Variants in SBF2 observed in about 807,000 individuals in gnomAD.
The protein encoded by SBF2 is SET binding factor 2.
A neutral mutation model predicts 225.2 loss-of-function variants in SBF2; 112 were observed. The observed-to-expected ratio is 0.50, with a 90% CI of 0.43 to 0.58. The LOEUF is 0.58. SBF2 is among the 20% of genes least tolerant of loss of function. SBF2 has a pLI of 0.00. For synonymous variants in SBF2, 763 were observed against 773.3 expected (o/e 0.99, Z 0.22); for missense variants, 1,996 against 2,206.2 (o/e 0.90, Z 1.91).
At chr11:9,816,724 C>T in intron 29 of SBF2, 116 bp downstream of exon 29, 1 of 869,656 alleles carries the variant, frequency 1.1e-6, no homozygotes, top group Admixed American at 2.9e-5. Context: ...ATTATTAACT[C>T]CAGGTTAAGA....
intron 1 of SBF2, among the ~76,000 whole-genome samples, chr11:10,270,790 G>T (rs1434800916): frequency 6.6e-6 from 1 of 151,968 alleles, no homozygotes; most frequent in Non-Finnish European, 1.5e-5. Context: ...TCAGGAGATT[G>T]AGACCATTGT....
At chr11:10,159,841 G>T (rs1454456749) in intron 2 of SBF2, among the ~76,000 whole-genome samples, 1 of 151,730 alleles carries the variant, frequency 6.6e-6, no homozygotes, top group Non-Finnish European at 1.5e-5. Context: ...AGTGAGCTGA[G>T]ATCACGCCAC....
chr11:9,865,759 A>G (rs1046961045), intron 17 of SBF2, among the ~76,000 whole-genome samples: 1 of 150,546 alleles, frequency 6.6e-6, no homozygotes, highest in Non-Finnish European at 1.5e-5. Flanking sequence ...AAAAGAAGTA[A>G]TTTGCTCAAG....
intron 13 of SBF2, among the ~76,000 whole-genome samples, chr11:9,987,027 A>C (rs1206899967): frequency 6.6e-6 from 1 of 152,218 alleles, no homozygotes; most frequent in South Asian, 2.1e-4. Context: ...AAAATCCTTA[A>C]CAAAATACTA....
intron 1 of SBF2, among the ~76,000 whole-genome samples, chr11:10,205,269 A>T (rs1456009656): frequency 6.6e-6 from 1 of 152,080 alleles, no homozygotes; most frequent in African/African-American, 2.4e-5. Flanking sequence ...ACATTTTAAA[A>T]GGATGAACTT....
intron 26 of SBF2, 55 bp downstream of exon 26, chr11:9,839,443 T>C (rs774960947): frequency 6.4e-7 from 1 of 1,551,328 alleles, no homozygotes; most frequent in African/African-American, 1.4e-5. Flanking sequence ...TATTAAAGAT[T>C]CAAATAAGAA....
At chr11:10,230,496 G>C (rs1453418805) in intron 1 of SBF2, among the ~76,000 whole-genome samples, 1 of 152,120 alleles carries the variant, frequency 6.6e-6, no homozygotes, top group Non-Finnish European at 1.5e-5. Context: ...GCTCTTTTAG[G>C]GCAGGCCTGG....
At chr11:9,884,722 G>A (rs557369084) in intron 17 of SBF2, among the ~76,000 whole-genome samples, 1 of 152,092 alleles carries the variant, frequency 6.6e-6, no homozygotes, top group African/African-American at 2.4e-5. Context: ...AAGTCTTATG[G>A]GAGGCACTGT....
chr11:10,230,176 C>T (rs918009794), intron 1 of SBF2, among the ~76,000 whole-genome samples: 1 of 152,074 alleles, frequency 6.6e-6, no homozygotes, highest in African/African-American at 2.4e-5. Context: ...GTAGATCTTC[C>T]ATCCCTTTAT....
chr11:9,932,312 C>A (rs528189651), intron 16 of SBF2, among the ~76,000 whole-genome samples: 112 of 152,098 alleles, frequency 7.4e-4, no homozygotes, highest in African/African-American at 2.5e-3. Flanking sequence ...GAAGAGCAAC[C>A]CCAAGACACA....
Position 10,245,354 on chromosome 11 carries a change from T to C in SBF2, c.55+48661A>G, listed in dbSNP as rs561108178. 4.6e-5 allele frequency among the ~76,000 whole-genome samples: 7 copies of C among 151,838 alleles called. No homozygotes were observed. The East Asian group carries it at 1.2e-3, about 25-fold the overall frequency. On this transcript the variant is annotated intron_variant, in intron 1 of 39. Coordinates refer to ENST00000256190, the MANE Select transcript of SBF2 (RefSeq NM_030962.4). The stretch of plus-strand genomic sequence containing the variant: ...TGATTCCAGGAGTTCCAGACTATAG[T>C]GCACAATGACCTTGCCATTGAATAG...
intron 1 of SBF2, among the ~76,000 whole-genome samples, chr11:10,291,657 AACACACACACACACACAC>A (rs10580039): frequency 0.1 from 14,835 of 146,054 alleles, 886 homozygotes; most frequent in Non-Finnish European, 0.11. Flanking sequence ...TAATCCACTA[AACACACACACACACACAC>A]ACACACACAC....
chr11:10,178,965 C>A (rs1335198252), intron 2 of SBF2, among the ~76,000 whole-genome samples: 4 of 134,436 alleles, frequency 3.0e-5, no homozygotes, highest in African/African-American at 5.6e-5. Context: ...CAATGATAGA[C>A]TGGATTAAGA....
chr11:10,104,061 G>A (rs1445466014), intron 2 of SBF2, among the ~76,000 whole-genome samples: 1 of 151,410 alleles, frequency 6.6e-6, no homozygotes, highest in Non-Finnish European at 1.5e-5. Context: ...CCATCCATCT[G>A]GGGCAAAAGA....
chr11:10,233,137 A>G (rs1958924035), intron 1 of SBF2, among the ~76,000 whole-genome samples: 1 of 152,148 alleles, frequency 6.6e-6, no homozygotes, highest in Admixed American at 6.5e-5. Context: ...TTTAGTACTA[A>G]TTTTCATATC....
chr11:10,090,690 G>C (rs982163161), intron 2 of SBF2, among the ~76,000 whole-genome samples: 2 of 150,288 alleles, frequency 1.3e-5, no homozygotes, highest in Non-Finnish European at 3.0e-5. Flanking sequence ...ACTTGAATCT[G>C]GGAGGCGGAG....
At chr11:10,167,441 T>C (rs1289874733) in intron 2 of SBF2, among the ~76,000 whole-genome samples, 2 of 152,144 alleles carry the variant, frequency 1.3e-5, no homozygotes, top group Non-Finnish European at 2.9e-5. Flanking sequence ...AGGTGGCTCA[T>C]GCCTATAGGC....
intron 1 of SBF2, among the ~76,000 whole-genome samples, chr11:10,195,568 T>A (rs540639007): frequency 8.0e-4 from 122 of 152,218 alleles, no homozygotes; most frequent in Non-Finnish European, 1.6e-3. Context: ...ATTCATTTTG[T>A]TAATATACTG....
chr11:9,804,890 C>T (rs1482608057), intron 32 of SBF2, among the ~76,000 whole-genome samples: 1 of 152,118 alleles, frequency 6.6e-6, no homozygotes, highest in Non-Finnish European at 1.5e-5. Flanking sequence ...TTTATAGTCA[C>T]ACTCATTTCC....
Sources: allele counts gnomAD v4.1 joint callset (sites outside exome capture counted in the v4.1 genomes callset), GRCh38; gene constraint gnomAD v4.1.1; transcripts MANE v1.5; gene names NCBI Gene and HGNC (gene_info 2026-07-23, HGNC 2026-07-21).